Variants in DMD observed in about 807,000 individuals in gnomAD.
The protein encoded by DMD is dystrophin.
A neutral mutation model predicts 330.1 loss-of-function variants in DMD; 63 were observed. The observed-to-expected ratio is 0.19, with a 90% CI of 0.16 to 0.24. DMD has a LOEUF of 0.24. Among genes scored for constraint, DMD ranks in the 10% least tolerant of loss-of-function variants. DMD has a pLI of 1.00. For missense variants in DMD, 3,344 were observed against 2,684.1 expected, an observed-to-expected ratio of 1.25 and a Z score of -5.43; for synonymous variants, 1,223 against 959.8, an observed-to-expected ratio of 1.27 and a Z score of -5.07.
At chrX:31,651,952 C>T (rs1029366598) in intron 54 of DMD, among the ~76,000 whole-genome samples, 1 of 111,810 alleles carries the variant, frequency 8.9e-6, no homozygotes, top group South Asian at 3.7e-4. Context: ...CCATCTCATT[C>T]AGATTAAAAG....
intron 42 of DMD, among the ~76,000 whole-genome samples, chrX:32,297,722 T>G (rs1406116670): frequency 9.0e-6 from 1 of 111,626 alleles, no homozygotes; most frequent in African/African-American, 3.3e-5. Context: ...GGTTAAGTGC[T>G]GAGGAGCAAA....
intron 55 of DMD, among the ~76,000 whole-genome samples, chrX:31,615,279 GA>G (rs1457951580): frequency 1.8e-5 from 2 of 111,920 alleles, no homozygotes; most frequent in African/African-American, 6.5e-5. Flanking sequence ...GGAGATCAAA[GA>G]AAGTTGGCAA....
chrX:31,565,516 G>T (rs1436850051), intron 55 of DMD, among the ~76,000 whole-genome samples: 5 of 111,800 alleles, frequency 4.5e-5, no homozygotes, highest in Non-Finnish European at 9.4e-5. Flanking sequence ...GGTATGTATG[G>T]ATGTACCGTA....
intron 77 of DMD, among the ~76,000 whole-genome samples, chrX:31,132,255 C>T (rs1305620950): frequency 8.9e-6 from 1 of 112,269 alleles, no homozygotes; most frequent in Non-Finnish European, 1.9e-5. Flanking sequence ...CTGCTAAATA[C>T]CATATCAGAG....
At chrX:31,631,452 A>G (rs892262734) in intron 54 of DMD, among the ~76,000 whole-genome samples, 2 of 110,512 alleles carry the variant, frequency 1.8e-5, no homozygotes. Context: ...GTTGTGGGGT[A>G]TAAAATCCTG....
intron 17 of DMD, among the ~76,000 whole-genome samples, chrX:32,522,453 C>T (rs2148829559): frequency 8.9e-6 from 1 of 111,993 alleles, no homozygotes; most frequent in African/African-American, 3.2e-5. Context: ...CATCAGTGTA[C>T]TTGGGATATC....
chrX:33,107,411 G>A (rs1266224045), intron 1 of DMD, among the ~76,000 whole-genome samples: 1 of 104,524 alleles, frequency 9.6e-6, no homozygotes, highest in Non-Finnish European at 1.9e-5. Context: ...AATACCATTT[G>A]CTGTCAAGAT....
intron 19 of DMD, among the ~76,000 whole-genome samples, chrX:32,493,427 T>C (rs1045106316): frequency 3.6e-5 from 4 of 112,019 alleles, no homozygotes; most frequent in African/African-American, 1.3e-4. Flanking sequence ...AAAGAATATA[T>C]ACATGGCTCC....
At chrX:31,268,536 G>A (rs1359563266) in intron 62 of DMD, among the ~76,000 whole-genome samples, 2 of 111,566 alleles carry the variant, frequency 1.8e-5, no homozygotes, top group African/African-American at 6.5e-5. Flanking sequence ...TGCTATTACG[G>A]TCTGAGGGGG....
intron 7 of DMD, among the ~76,000 whole-genome samples, chrX:32,709,336 G>A (rs1410585547): frequency 8.9e-6 from 1 of 111,849 alleles, no homozygotes; most frequent in Non-Finnish European, 1.9e-5. Flanking sequence ...ATGATGATAA[G>A]GGATAACTTT....
chrX:32,471,038 A>T (rs992226170), intron 22 of DMD, among the ~76,000 whole-genome samples: 1 of 111,576 alleles, frequency 9.0e-6, no homozygotes, highest in African/African-American at 3.3e-5. Context: ...GCACTTTGGG[A>T]GGCTGAGGCA....
At chrX:32,187,676 C>T (rs1294099087) in intron 44 of DMD, among the ~76,000 whole-genome samples, 2 of 111,345 alleles carry the variant, frequency 1.8e-5, no homozygotes, top group Non-Finnish European at 3.8e-5. Flanking sequence ...TATAAAGCCT[C>T]CAAGAAACAA....
intron 41 of DMD, among the ~76,000 whole-genome samples, chrX:32,332,296 G>A (rs2054280301): frequency 9.1e-6 from 1 of 110,436 alleles, no homozygotes; most frequent in South Asian, 3.9e-4. Flanking sequence ...TGTTGGGTTG[G>A]AGCTCTACTT....
In DMD at chrX:32,483,946, ATAT is replaced by A. The variant is rs776490236; in HGVS notation, c.2803+970_2803+972del. On this transcript the variant is annotated intron_variant, in intron 21 of 78. Coordinates refer to ENST00000357033, the MANE Select transcript of DMD (RefSeq NM_004006.3). ...TATCACTACATTAATTCTGGAAATG[ATAT>A]TATATGGTGAATTCTTTAAATATTT... Among the ~76,000 whole-genome samples, 6 of 110,020 alleles carry A rather than the reference ATAT, an allele frequency of 5.5e-5. No individual in the cohort carries two copies. The East Asian group carries it at 1.7e-3, about 31-fold the overall frequency.
At chrX:31,765,476 G>A (rs908628829) in intron 51 of DMD, among the ~76,000 whole-genome samples, 2 of 111,519 alleles carry the variant, frequency 1.8e-5, no homozygotes. Flanking sequence ...ACAGATGAAT[G>A]TAAACTCAGT....
At chrX:32,853,765 G>A (rs1603448998) in intron 2 of DMD, among the ~76,000 whole-genome samples, 2 of 34,203 alleles carry the variant, frequency 5.8e-5, no homozygotes, top group African/African-American at 1.6e-4. Flanking sequence ...AAAACACAGT[G>A]ACAGAAAAAA....
Position 33,010,005 on chromosome X carries a change from T to C in DMD, c.93+10134A>G, listed in dbSNP as rs867934898. Among the ~76,000 whole-genome samples, 2 of 68,872 alleles carry C rather than the reference T, an allele frequency of 2.9e-5. 1 individual carries two copies. The highest frequency in any genetic ancestry group is 1.8e-4 in the African/African-American group (2 of 11,398). 59.8% of individuals were successfully genotyped at this position (68,872 alleles called of 115,157 possible). On this transcript the variant is annotated intron_variant, in intron 2 of 78. Coordinates refer to ENST00000357033, the MANE Select transcript of DMD (RefSeq NM_004006.3). ...ACATGTGTGTATATACACGTATGTA[T>C]GTGTATATACACATATGTGTGTACA...
intron 19 of DMD, among the ~76,000 whole-genome samples, chrX:32,498,847 T>G (rs994115448): frequency 3.6e-5 from 4 of 111,798 alleles, no homozygotes; most frequent in Non-Finnish European, 5.7e-5. Context: ...CTTTGCACCA[T>G]CAAATGAGGT....
At position 32,199,052 on chromosome X, in the gene DMD, A is replaced by G. The variant is rs767416889; in HGVS notation, c.6438+17864T>C. Reference sequence around the variant, plus strand: ...AACTTTAGAAATATGAAATGTGTATACGTATTGACGTGCTTATTGTGAATG... The same window carrying G: ...AACTTTAGAAATATGAAATGTGTATGCGTATTGACGTGCTTATTGTGAATG... On this transcript the variant is annotated intron_variant, in intron 44 of 78. Transcript: ENST00000357033. 8.0e-5 allele frequency among the ~76,000 whole-genome samples: 9 copies of G among 112,334 alleles called. No individual in the cohort carries two copies. In the East Asian group the frequency reaches 2.2e-3, roughly 28 times the overall value.
Sources: gnomAD v4.1 joint callset for allele counts (sites outside exome capture counted in the v4.1 genomes callset) on GRCh38, gnomAD v4.1.1 for gene constraint, MANE v1.5 for transcripts, NCBI Gene and HGNC (gene_info 2026-07-23, HGNC 2026-07-21) for gene names.